Variants in CREM observed in about 807,000 individuals in gnomAD.
The protein encoded by CREM is cAMP responsive element modulator, also known as cAMP-responsive element modulator.
A neutral mutation model predicts 37.3 loss-of-function variants in CREM; 13 were observed. The ratio of observed to expected loss-of-function variants is 0.35; its 90% CI spans 0.23 to 0.55. The LOEUF is 0.55. Ranked by LOEUF, CREM falls within the 20% of genes least tolerant of loss-of-function variation. The probability of loss-of-function intolerance (pLI) is 0.88; values close to 1 mark genes in which losing one functional copy is unlikely to be tolerated. For synonymous variants in CREM, 124 were observed against 120.2 expected, an observed-to-expected ratio of 1.03 and a Z score of -0.21; for missense variants, 296 against 362.3, an observed-to-expected ratio of 0.82 and a Z score of 1.49.
At chr10:35,195,055 G>A in intron 6 of CREM, 3 of 832,378 alleles carry the variant, frequency 3.6e-6, no homozygotes, top group South Asian at 3.6e-5. Flanking sequence ...AAAGCAAATT[G>A]ATGGCAGTGA....
chr10:35,211,965 CTATAACTTCA>C lies in CREM; in HGVS notation c.*568_*577del. 1 of 631,104 alleles carries C rather than the reference CTATAACTTCA, an allele frequency of 1.6e-6. No individual in the cohort carries two copies. The highest frequency in any genetic ancestry group is 4.6e-5 in the South Asian group (1 of 21,628). 39.1% of individuals were successfully genotyped at this position (631,104 alleles called of 1,614,324 possible). A position where few individuals can be genotyped will look rare whatever the true frequency, so the allele number is the denominator to read the frequency against. On this transcript the variant is annotated 3_prime_UTR_variant, in exon 8 of 8. Coordinates refer to ENST00000685392, the MANE Select transcript of CREM (RefSeq NM_183011.2). ...TTCACTGTACGTAGTTAAGTCGTAGCTATAACTTCAAATTTTTTAAAAGAGACAAACTGTA... is the reference window on the plus strand; with the variant it reads ...TTCACTGTACGTAGTTAAGTCGTAGCAATTTTTTAAAAGAGACAAACTGTA...
chr10:35,143,532 A>G (rs1462629422), intron 2 of CREM, among the ~76,000 whole-genome samples: 1 of 152,208 alleles, frequency 6.6e-6, no homozygotes, highest in African/African-American at 2.4e-5. Context: ...TCCAGTAGAT[A>G]GCTGAAGTGG....
chr10:35,146,039 T>C (rs1239497319), intron 2 of CREM, among the ~76,000 whole-genome samples: 1 of 152,232 alleles, frequency 6.6e-6, no homozygotes, highest in Admixed American at 6.5e-5. Flanking sequence ...ATGTAGTTAA[T>C]GGATTCCATC....
chr10:35,173,427 TC>T (rs2093913113), intron 3 of CREM, among the ~76,000 whole-genome samples: 1 of 152,222 alleles, frequency 6.6e-6, no homozygotes, highest in African/African-American at 2.4e-5. Flanking sequence ...AATCTGGCTA[TC>T]TTCAGTTAAA....
chr10:35,136,261 A>T (rs2090498741), intron 1 of CREM, among the ~76,000 whole-genome samples: 1 of 152,160 alleles, frequency 6.6e-6, no homozygotes, highest in African/African-American at 2.4e-5. Flanking sequence ...TAGTGCTGTG[A>T]TTATCATTAT....
At chr10:35,162,745 G>A (rs2093358230) in intron 3 of CREM, among the ~76,000 whole-genome samples, 5 of 152,100 alleles carry the variant, frequency 3.3e-5, no homozygotes, top group Admixed American at 2.6e-4. Flanking sequence ...CTGAAGCCTG[G>A]ACTTCTCAGA....
In CREM at chr10:35,175,928, A is replaced by G. The variant is rs1411628470; in HGVS notation, c.169-2961A>G. The G allele has an allele frequency of 5.2e-6, 8 of 1,551,786 alleles. No homozygotes were observed. The Admixed American group carries it at 1.2e-4, about 23-fold the overall frequency. On this transcript the variant is annotated intron_variant, in intron 3 of 7. Transcript: ENST00000685392. ...AGTGCAGTTACCTTCGGGCCAAACT[A>G]TACATGTCCAGGGAGTAATTCAGAC...
intron 1 of CREM, among the ~76,000 whole-genome samples, chr10:35,136,796 T>G (rs2090598335): frequency 6.6e-6 from 1 of 151,390 alleles, no homozygotes; most frequent in Non-Finnish European, 1.5e-5. Flanking sequence ...CTCAGTTTTT[T>G]TTTTTTTTTT....
chr10:35,141,100 T>C (rs183325421), intron 2 of CREM, among the ~76,000 whole-genome samples: 70 of 152,314 alleles, frequency 4.6e-4, no homozygotes, highest in African/African-American at 1.7e-3. Flanking sequence ...TTTTCCTTAT[T>C]TCTAAAAGAA....
Position 35,200,194 on chromosome 10 carries a change from T to C in CREM, c.599-6701T>C, listed in dbSNP as rs371733610. Reference sequence around the variant, plus strand: ...TGAGCCACCACACCCAGCCTAAAATTGAATTTTTTATAGATTATTATTACT... The same window carrying C: ...TGAGCCACCACACCCAGCCTAAAATCGAATTTTTTATAGATTATTATTACT... On this transcript the variant is annotated intron_variant, in intron 6 of 7. Transcript: ENST00000685392. Among the ~76,000 whole-genome samples, 15 of 152,226 alleles carry C rather than the reference T, an allele frequency of 9.9e-5. No homozygotes were observed. In the East Asian group the frequency reaches 2.7e-3, roughly 27 times the overall value.
Position 35,211,514 on chromosome 10 carries a change from A to G in CREM, c.*116A>G. 2.7e-6 allele frequency: 4 copies of G among 1,502,206 alleles called. No homozygotes were observed. The highest frequency in any genetic ancestry group is 3.6e-6 in the Non-Finnish European group (4 of 1,113,214). 93.1% of individuals were successfully genotyped at this position (1,502,206 alleles called of 1,614,324 possible). A position where few individuals can be genotyped will look rare whatever the true frequency, so the allele number is the denominator to read the frequency against. On this transcript the variant is annotated 3_prime_UTR_variant, in exon 8 of 8. Transcript: ENST00000685392. ...TGTGACCCTTAAGAATCCAGTTTGG[A>G]TTAGTGTTTGAAATTGAATTGGGAA...
At position 35,205,403 on chromosome 10, in the gene CREM, T is replaced by C. The variant is rs181570974; in HGVS notation, c.599-1492T>C. ...TATCTTTCCCCAGAGAAACTAGGTT[T>C]AAGCAGAGCTTTGCTGGGTTTTTAT... On this transcript the variant is annotated intron_variant, in intron 6 of 7. Transcript: ENST00000685392. Among the ~76,000 whole-genome samples, 363 of 152,370 alleles carry C rather than the reference T, an allele frequency of 2.4e-3. 2 individuals are homozygous for C. The highest frequency in any genetic ancestry group is 8.2e-3 in the Admixed American group (125 of 15,300).
At chr10:35,209,351 G>A (rs535966548) in intron 7 of CREM, 225 of 985,116 alleles carry the variant, frequency 2.3e-4, no homozygotes, top group Middle Eastern at 5.2e-4. Context: ...CTTCCTCTCC[G>A]TGCTGAGGAT....
chr10:35,174,517 T>G (rs2093963141), intron 3 of CREM, among the ~76,000 whole-genome samples: 1 of 152,226 alleles, frequency 6.6e-6, no homozygotes, highest in South Asian at 2.1e-4. Context: ...AAACCCAGTT[T>G]TTAATAATTC....
chr10:35,168,631 G>A (rs1191764118), intron 3 of CREM, among the ~76,000 whole-genome samples: 1 of 152,130 alleles, frequency 6.6e-6, no homozygotes, highest in Non-Finnish European at 1.5e-5. Flanking sequence ...TTTTGGCTTT[G>A]TTGCCATTGC....
At chr10:35,196,177 G>T (rs1023854873) in intron 6 of CREM, 3 of 1,472,756 alleles carry the variant, frequency 2.0e-6, no homozygotes, top group African/African-American at 2.8e-5. Flanking sequence ...TAAGCTGGCG[G>T]GTTCTTTACT....
chr10:35,146,989 G>A (rs2092181676), intron 2 of CREM, among the ~76,000 whole-genome samples: 1 of 149,920 alleles, frequency 6.7e-6, no homozygotes, highest in Admixed American at 6.7e-5. Flanking sequence ...TTGTATTATT[G>A]ACAGCTGAAA....
chr10:35,205,873 G>A lies in CREM; in HGVS notation c.599-1022G>A, dbSNP rs551359518. Among the ~76,000 whole-genome samples, 199 of 152,028 alleles carry A rather than the reference G, an allele frequency of 1.3e-3. 2 individuals are homozygous for A. The highest frequency in any genetic ancestry group is 4.6e-3 in the African/African-American group (189 of 41,446). On this transcript the variant is annotated intron_variant, in intron 6 of 7. Transcript: ENST00000685392. ...CTTGGGAGGCTGAGGTACAAGAATC[G>A]CTTGAACTGGGGAGGTGGAGGTTAC...
intron 3 of CREM, among the ~76,000 whole-genome samples, chr10:35,152,781 A>G (rs993229037): frequency 1.4e-5 from 2 of 147,558 alleles, no homozygotes; most frequent in African/African-American, 4.9e-5. Flanking sequence ...AAAATATTGT[A>G]TGTACAATAC....
Sources: allele counts gnomAD v4.1 joint callset (sites outside exome capture counted in the v4.1 genomes callset), GRCh38; gene constraint gnomAD v4.1.1; transcripts MANE v1.5; gene names NCBI Gene and HGNC (gene_info 2026-07-23, HGNC 2026-07-21).